COQ8A: variants seen among roughly 807,000 people sequenced by gnomAD.
COQ8A encodes atypical kinase COQ8A, mitochondrial.
COQ8A carries 51 observed loss-of-function variants against 65.0 expected under a neutral mutation model. That is an observed-to-expected ratio of 0.78 (90% confidence interval 0.63 to 0.99). The LOEUF is 0.99. Ranked by LOEUF, COQ8A falls within the 50% of genes least tolerant of loss-of-function variation. The pLI is 0.00. For missense variants in COQ8A, 940 were observed against 875.0 expected, an observed-to-expected ratio of 1.07 and a Z score of -0.94; for synonymous variants, 371 against 353.2, an observed-to-expected ratio of 1.05 and a Z score of -0.57.
intron 5 of COQ8A, among the ~76,000 whole-genome samples, chr1:226,977,943 A>G (rs1318530351): frequency 4.1e-5 from 5 of 122,240 alleles, no homozygotes; most frequent in Admixed American, 4.0e-4. Flanking sequence ...CCACCCACCA[A>G]ACACCCGCAC....
In COQ8A at chr1:226,984,247, C is replaced by G. The variant is rs774158999; in HGVS notation, c.1398+12C>G. ...AGATTCGGAACGAGGTTTGTCTGTG[C>G]CAGCAGACAGGTGGGGCCAGGGTGG... is the stretch of plus-strand genomic sequence containing the variant. On this transcript the variant is annotated intron_variant, in intron 11 of 14. Coordinates refer to ENST00000366777, the MANE Select transcript of COQ8A (RefSeq NM_020247.5). 3 of 1,613,154 alleles carry G rather than the reference C, an allele frequency of 1.9e-6. No individual in the cohort carries two copies. Among genetic ancestry groups the G allele is most frequent in the East Asian group, 2.2e-5 (1 of 44,896 alleles).
chr1:226,971,722 T>C (rs1023056002), intron 4 of COQ8A, among the ~76,000 whole-genome samples: 3 of 152,338 alleles, frequency 2.0e-5, no homozygotes, highest in South Asian at 2.1e-4. Flanking sequence ...CTATCAGTTA[T>C]ATTGCTGCTT....
At chr1:226,986,353 T>G in intron 14 of COQ8A, 100 bp from the exon 15 acceptor site, 2 of 1,350,466 alleles carry the variant, frequency 1.5e-6, no homozygotes, top group East Asian at 2.3e-5. Context: ...ACAGCAGAGC[T>G]TTGAATGAGA....
rs1353465585 is a variant in COQ8A, at chr1:226,946,570, C to G, written c.-10+6171C>G. 6.6e-6 allele frequency among the ~76,000 whole-genome samples: 1 copy of G among 152,118 alleles called. No individual in the cohort carries two copies. Among genetic ancestry groups the G allele is most frequent in the Non-Finnish European group, 1.5e-5 (1 of 68,020 alleles). ...TGGCCACCTCTCCTGGGTCTGTGGT[C>G]CCCTTGCACCCTGCTGAGCCTCTTC... On this transcript the variant is annotated intron_variant, in intron 1 of 14. Transcript: ENST00000366777. The surrounding 1 kb of genome is among the most constrained non-coding windows in gnomAD (Gnocchi z 5.3).
At position 226,983,578 on chromosome 1, in the gene COQ8A, C is replaced by T. The variant is rs756702439; in HGVS notation, c.1107C>T (p.Asn369=). ...ACCCTGGCGTGGCCCAGAGCATCAA[C>T]AGTGATGTCAACAACCTCATGGCCG... ...IQYPGVAQSI[N]SDVNNLMAVL... The change falls in exon 9 of 15, where the codon AAC becomes AAT. Residue 369 remains asparagine, a synonymous_variant. Transcript: ENST00000366777. 6.2e-7 allele frequency: 1 copy of T among 1,613,990 alleles called. No individual in the cohort carries two copies. The highest frequency in any genetic ancestry group is 8.5e-7 in the Non-Finnish European group (1 of 1,180,026).
At chr1:226,953,766 C>T (rs1657525342) in intron 1 of COQ8A, among the ~76,000 whole-genome samples, 1 of 152,156 alleles carries the variant, frequency 6.6e-6, no homozygotes, top group African/African-American at 2.4e-5. Flanking sequence ...GAAGCTGGAC[C>T]TCGCGAGATA....
chr1:226,977,413 C>A, intron 4 of COQ8A, 36 bp from the exon 5 acceptor site: 3 of 1,545,690 alleles, frequency 1.9e-6, no homozygotes, highest in Non-Finnish European at 2.6e-6. Flanking sequence ...CCCAGCCCTG[C>A]GTGAGCACTG....
chr1:226,985,223 G>A, intron 13 of COQ8A, 31 bp from the exon 14 acceptor site: 1 of 1,608,692 alleles, frequency 6.2e-7, no homozygotes, highest in Non-Finnish European at 8.5e-7. Flanking sequence ...TTTTCATGCT[G>A]CCCACGGTCC....
chr1:226,982,560 C>A (rs1375315281), intron 6 of COQ8A, 118 bp from the exon 7 acceptor site: 1 of 1,112,878 alleles, frequency 9.0e-7, no homozygotes, highest in African/African-American at 1.5e-5. Flanking sequence ...TCTGGCCTCA[C>A]CCGTGCTCCT....
In COQ8A at chr1:226,986,886, A is replaced by T; in HGVS notation, c.*149A>T. On this transcript the variant is annotated 3_prime_UTR_variant, in exon 15 of 15. Coordinates refer to ENST00000366777, the MANE Select transcript of COQ8A (RefSeq NM_020247.5). ...TGGAGCCCCGTAGCCAGCGCTTTCC[A>T]CGGTTTCTGTTGCTAAATGGTTGTA... 1 of 959,498 alleles carries T rather than the reference A, an allele frequency of 1.0e-6. No individual in the cohort carries two copies. The highest frequency in any genetic ancestry group is 1.6e-6 in the Non-Finnish European group (1 of 644,214). The allele number at this position is 959,498 out of a possible 1,614,324, so 59.4% of individuals were successfully genotyped here.
At chr1:226,962,783 C>G (rs915296089) in intron 2 of COQ8A, among the ~76,000 whole-genome samples, 2 of 152,242 alleles carry the variant, frequency 1.3e-5, no homozygotes, top group Non-Finnish European at 2.9e-5. Context: ...GTCCTCACAC[C>G]TGTGCTCTCC....
chr1:226,982,286 A>G, intron 6 of COQ8A, 137 bp downstream of exon 6: 1 of 1,315,992 alleles, frequency 7.6e-7, no homozygotes, highest in Non-Finnish European at 1.0e-6. Flanking sequence ...TTAGAAGATA[A>G]TAGGCCTGGT....
At chr1:226,967,920 A>G (rs1658659662) in intron 4 of COQ8A, among the ~76,000 whole-genome samples, 1 of 152,270 alleles carries the variant, frequency 6.6e-6, no homozygotes, top group Admixed American at 6.5e-5. Context: ...AAGAGAAGCC[A>G]GGTCAGGAAA....
rs141766023 is a variant in COQ8A, at chr1:226,949,179, A to G, written c.-10+8780A>G. Among the ~76,000 whole-genome samples the G allele has an allele frequency of 1.6e-3, 244 of 151,712 alleles. 1 individual carries two copies. The highest frequency in any genetic ancestry group is 0.014 in the Middle Eastern group (4 of 294). On this transcript the variant is annotated intron_variant, in intron 1 of 14. Transcript: ENST00000366777. This position sits in a 1 kb window ranked among gnomAD's most constrained non-coding sequence, Gnocchi z 4.0. ...GACCTGCAGAGTGGAGTGCGCTCAC[A>G]TGGCTCGCGCGTAGCTGGAGGCTGG... is the stretch of plus-strand genomic sequence containing the variant.
rs980169375 is a variant in COQ8A at position 226,983,936 on chromosome 1, C to A, written c.1256+82C>A. 9.0e-6 allele frequency: 14 copies of A among 1,561,026 alleles called. No individual in the cohort carries two copies. In the Admixed American group the frequency reaches 2.5e-4, roughly 28 times the overall value. ...TGTTCAGCAGCTGGTGAAGGCCCCT[C>A]CAGCTCTGAGGGGCAGAGGGCTGGG... On this transcript the variant is annotated intron_variant, in intron 10 of 14. Transcript: ENST00000366777.
At chr1:226,941,774 CAAA>C (rs374191145) in intron 1 of COQ8A, among the ~76,000 whole-genome samples, 4,948 of 81,498 alleles carry the variant, frequency 0.061, 288 homozygotes, top group African/African-American at 0.19. Flanking sequence ...GACTCAATCT[CAAA>C]AAAAAAAAAA....
At chr1:226,969,062 G>A (rs1295435933) in intron 4 of COQ8A, among the ~76,000 whole-genome samples, 1 of 152,004 alleles carries the variant, frequency 6.6e-6, no homozygotes, top group Admixed American at 6.6e-5. Context: ...GGAATATTTT[G>A]GTAAATGTTC....
At chr1:226,982,573 TG>T in intron 6 of COQ8A, 104 bp from the exon 7 acceptor site, 2 of 1,212,152 alleles carry the variant, frequency 1.6e-6, no homozygotes, top group Middle Eastern at 2.7e-4. Context: ...GTGCTCCTGG[TG>T]GGGAGGGTGT....
At chr1:226,958,760 G>A (rs73087619) in intron 1 of COQ8A, among the ~76,000 whole-genome samples, 5,916 of 152,274 alleles carry the variant, frequency 0.039, 357 homozygotes, top group African/African-American at 0.13. Flanking sequence ...AGAGCAGGCA[G>A]GCACACGGAG....
Sources: allele counts gnomAD v4.1 joint callset (sites outside exome capture counted in the v4.1 genomes callset), GRCh38; gene constraint gnomAD v4.1.1; non-coding constraint Gnocchi (gnomAD v3.1); transcripts MANE v1.5; gene names NCBI Gene and HGNC (gene_info 2026-07-23, HGNC 2026-07-21).